CDC42BPA: variants seen among roughly 807,000 people sequenced by gnomAD.
The protein encoded by CDC42BPA is serine/threonine-protein kinase MRCK alpha.
In CDC42BPA, 80 loss-of-function variants were observed where a neutral mutation model predicts 223.5. That is an observed-to-expected ratio of 0.36 (90% confidence interval 0.30 to 0.43). The LOEUF (loss-of-function observed/expected upper bound fraction) is 0.43, where lower values mean the gene tolerates loss of function less well. Ranked by LOEUF, CDC42BPA falls within the 20% of genes least tolerant of loss-of-function variation. The pLI is 1.00. For missense variants in CDC42BPA, 1,743 were observed against 2,099.9 expected (o/e 0.83, Z 3.32); for synonymous variants, 694 against 718.6 (o/e 0.97, Z 0.55).
rs1251052204 is a variant in CDC42BPA, at chr1:226,990,444, TGAAATGCAGCTCATCTA to T, written c.*3807_*3823del. 1 of 152,230 alleles carries T rather than the reference TGAAATGCAGCTCATCTA, an allele frequency of 6.6e-6. No individual in the cohort carries two copies. The highest frequency in any genetic ancestry group is 2.4e-5 in the African/African-American group (1 of 41,426). 9.4% of individuals were successfully genotyped at this position (152,230 alleles called of 1,614,324 possible). On this transcript the variant is annotated 3_prime_UTR_variant, in exon 37 of 37. Coordinates refer to ENST00000366766, the MANE Select transcript of CDC42BPA (RefSeq NM_001394014.1). ...GAAAGAGATTTTAAAATGGGCTCCA[TGAAATGCAGCTCATCTA>T]GTTCAGGGCTGGGCCAGAGAGACGG...
At chr1:227,158,551 T>C (rs1663250778) in intron 6 of CDC42BPA, among the ~76,000 whole-genome samples, 1 of 152,180 alleles carries the variant, frequency 6.6e-6, no homozygotes, top group African/African-American at 2.4e-5. Flanking sequence ...TGTAGGTTCA[T>C]ACAAAAATCT....
chr1:227,114,933 A>G (rs1379766893), intron 12 of CDC42BPA, among the ~76,000 whole-genome samples: 1 of 152,154 alleles, frequency 6.6e-6, no homozygotes, highest in East Asian at 1.9e-4. Context: ...GTTAATACAC[A>G]TGGTAGAAGC....
rs185638913 is a variant in CDC42BPA, at chr1:227,232,649, C to T, written c.271-19430G>A. Among the ~76,000 whole-genome samples, 193 of 152,250 alleles carry T rather than the reference C, an allele frequency of 1.3e-3. 2 individuals carry two copies. The highest frequency in any genetic ancestry group is 4.3e-3 in the African/African-American group (177 of 41,542). On this transcript the variant is annotated intron_variant, in intron 2 of 36. Transcript: ENST00000366766. ...CCTTCTAACAGTCAGGACCCTCAGC[C>T]GCAGGTCTGTTGGAGTTTGCTGGAG...
At position 226,990,203 on chromosome 1, in the gene CDC42BPA, T is replaced by G. The variant is rs1049115491; in HGVS notation, c.*4065A>C. 4.0e-5 allele frequency: 6 copies of G among 151,532 alleles called. No individual in the cohort carries two copies. Among genetic ancestry groups the G allele is most frequent in the Admixed American group, 1.3e-4 (2 of 15,256 alleles). 9.4% of individuals were successfully genotyped at this position (151,532 alleles called of 1,614,324 possible). On this transcript the variant is annotated 3_prime_UTR_variant, in exon 37 of 37. Coordinates refer to ENST00000366766, the MANE Select transcript of CDC42BPA (RefSeq NM_001394014.1). ...ATATTACGAGAAAAACCCTAAAAAA[T>G]TTATAAAATGAATGATATTACACTA...
At chr1:227,197,513 A>C (rs1425925562) in intron 4 of CDC42BPA, among the ~76,000 whole-genome samples, 19 of 152,186 alleles carry the variant, frequency 1.2e-4, no homozygotes, top group Admixed American at 1.2e-3. Context: ...TTTGAAAAAG[A>C]AATGTTAATC....
chr1:227,193,999 T>A (rs1294610897), intron 4 of CDC42BPA, 65 bp from the exon 5 acceptor site: 4 of 1,144,858 alleles, frequency 3.5e-6, no homozygotes, highest in East Asian at 2.5e-5. Flanking sequence ...ATATACTGTA[T>A]CCCAAGGTCA....
intron 14 of CDC42BPA, among the ~76,000 whole-genome samples, chr1:227,109,375 T>C (rs1425644883): frequency 1.7e-5 from 2 of 115,134 alleles, no homozygotes; most frequent in East Asian, 3.6e-4. Context: ...AAAATGTATC[T>C]TTTTTTTTGA....
Position 227,101,185 on chromosome 1 carries a change from T to C in CDC42BPA, c.2056A>G (p.Ile686Val). The C allele has an allele frequency of 2.5e-6, 4 of 1,602,390 alleles. No individual in the cohort carries two copies. Among genetic ancestry groups the C allele is most frequent in the Non-Finnish European group, 3.4e-6 (4 of 1,170,284 alleles). The change falls in exon 15 of 37, where the codon ATA (isoleucine) becomes GTA (valine). Residue 686 changes from isoleucine to valine, a missense_variant. Around this residue, in one of 6 missense-constraint regions of CDC42BPA, gnomAD observed 464 missense variants for 488.0 expected, o/e 0.95. Transcript: ENST00000366766. ...GVCSIEHQQEITKLKTDLEKK... is the reference protein window; with the variant it reads ...GVCSIEHQQEVTKLKTDLEKK... ...TCCAAATCAGTCTTTAGTTTGGTTA[T>C]CTCTTGCTGATGTTCTATGCTGCAT...
chr1:227,281,724 G>A (rs1688045544), intron 1 of CDC42BPA, among the ~76,000 whole-genome samples: 1 of 152,132 alleles, frequency 6.6e-6, no homozygotes, highest in African/African-American at 2.4e-5. Context: ...AGACAATTAA[G>A]TTTTAAGACA....
chr1:227,271,629 C>T (rs1461097205), intron 1 of CDC42BPA, among the ~76,000 whole-genome samples: 1 of 152,104 alleles, frequency 6.6e-6, no homozygotes, highest in African/African-American at 2.4e-5. Flanking sequence ...ATAAATAAGA[C>T]TACTGAATAT....
chr1:227,059,417 A>G, intron 21 of CDC42BPA: 1 of 1,560,888 alleles, frequency 6.4e-7, no homozygotes, highest in South Asian at 1.2e-5. Context: ...GAGCGCTTCA[A>G]CAGAGAAAGG....
At chr1:227,007,083 A>AG (rs1664260411) in intron 34 of CDC42BPA, among the ~76,000 whole-genome samples, 1 of 152,244 alleles carries the variant, frequency 6.6e-6, no homozygotes, top group African/African-American at 2.4e-5. Context: ...GCAATGAAAA[A>AG]AAATCACACA....
chr1:227,168,497 G>GTGTTTTGTTTGT (rs1302291274), intron 5 of CDC42BPA, among the ~76,000 whole-genome samples: 1 of 80,212 alleles, frequency 1.2e-5, no homozygotes, highest in Non-Finnish European at 2.4e-5. Flanking sequence ...CTTCCCTGGT[G>GTGTTTTGTTTGT]TTTTTTTTTT....
chr1:227,254,710 A>G (rs137871204), intron 1 of CDC42BPA, among the ~76,000 whole-genome samples: 1 of 152,338 alleles, frequency 6.6e-6, no homozygotes, highest in East Asian at 1.9e-4. Flanking sequence ...TTCAAGAAAG[A>G]CAAGTATGCA....
chr1:227,195,561 A>T (rs554461928), intron 4 of CDC42BPA, among the ~76,000 whole-genome samples: 24 of 152,276 alleles, frequency 1.6e-4, no homozygotes, highest in African/African-American at 4.6e-4. Flanking sequence ...AGTCTATAAG[A>T]CTAAAAGTCT....
intron 2 of CDC42BPA, among the ~76,000 whole-genome samples, chr1:227,220,282 T>TTATATATATATATA (rs368690606): frequency 1.0e-3 from 104 of 100,736 alleles, no homozygotes; most frequent in Admixed American, 5.8e-3. Context: ...AAAAGTCATG[T>TTATATATATATATA]TATATATATA....
At position 227,034,741 on chromosome 1, in the gene CDC42BPA, C is replaced by A. The variant is rs748567497; in HGVS notation, c.3390G>T (p.Val1130=). ...KKGWQRALAI[V]CDFKLFLYDI... ...CGTACAGAAAGAGTTTGAAGTCACA[C>A]ACTATAGCCAGTGCTCTCTGCCACC... The change falls in exon 26 of 37, where the codon GTG becomes GTT. Residue 1130 remains valine, a synonymous_variant. Transcript: ENST00000366766. 6.2e-6 allele frequency: 10 copies of A among 1,613,706 alleles called. No individual in the cohort carries two copies. The highest frequency in any genetic ancestry group is 8.5e-6 in the Non-Finnish European group (10 of 1,179,790).
intron 2 of CDC42BPA, among the ~76,000 whole-genome samples, chr1:227,244,127 C>T (rs1242490153): frequency 6.6e-6 from 1 of 152,060 alleles, no homozygotes; most frequent in East Asian, 1.9e-4. Flanking sequence ...TTGGCATTAT[C>T]TGCTAAAGCT....
rs1553371209 is a variant in CDC42BPA, at chr1:227,162,868, A to ATATGTGTGTGTGTGTGTGTGTGTGTG, written c.600-2233_600-2232insCACACACACACACACACACACACATA. 5.3e-4 allele frequency among the ~76,000 whole-genome samples: 79 copies of ATATGTGTGTGTGTGTGTGTGTGTGTG among 149,462 alleles called. No individual in the cohort carries two copies. The East Asian group carries it at 7.5e-3, about 14-fold the overall frequency. ...AAAAAATAAAATAAAATAAATATAT[A>ATATGTGTGTGTGTGTGTGTGTGTGTG]TGTGTGTGTGTGTGTGTGTTTCCAA... On this transcript the variant is annotated intron_variant, in intron 5 of 36. Coordinates refer to ENST00000366766, the MANE Select transcript of CDC42BPA (RefSeq NM_001394014.1).
Sources: gnomAD v4.1 joint callset for allele counts (sites outside exome capture counted in the v4.1 genomes callset) on GRCh38, gnomAD v4.1.1 for gene constraint, gnomAD v4.1.1 regional missense constraint, MANE v1.5 for transcripts, NCBI Gene and HGNC (gene_info 2026-07-23, HGNC 2026-07-21) for gene names.